NRG3: variants seen among roughly 807,000 people sequenced by gnomAD.
NRG3 encodes neuregulin 3, also known as pro-neuregulin-3, membrane-bound isoform.
In NRG3, 31 loss-of-function variants were observed where a neutral mutation model predicts 66.9. The observed-to-expected ratio is 0.46, with a 90% CI of 0.35 to 0.63. NRG3 has a LOEUF of 0.63. Among genes scored for constraint, NRG3 ranks in the 20% least tolerant of loss-of-function variants. NRG3 has a pLI of 0.00. For synonymous variants in NRG3, 393 were observed against 359.4 expected (o/e 1.09, Z -1.06); for missense variants, 910 against 878.9 (o/e 1.04, Z -0.45).
chr10:82,550,467 A>G (rs893504121), intron 2 of NRG3, among the ~76,000 whole-genome samples: 5 of 151,856 alleles, frequency 3.3e-5, no homozygotes, highest in African/African-American at 1.2e-4. Context: ...TCCCAATAGG[A>G]CTCTTCTTTC....
intron 4 of NRG3, among the ~76,000 whole-genome samples, chr10:82,870,104 G>A (rs997867864): frequency 6.7e-6 from 1 of 148,534 alleles, no homozygotes; most frequent in Non-Finnish European, 1.5e-5. Flanking sequence ...TCCTGACCTC[G>A]TGATCTGCCC....
chr10:82,464,734 A>G (rs568148328), intron 2 of NRG3, among the ~76,000 whole-genome samples: 1 of 152,348 alleles, frequency 6.6e-6, no homozygotes, highest in East Asian at 1.9e-4. Flanking sequence ...AATCAGGCAA[A>G]TAGGAGCTGC....
intron 3 of NRG3, among the ~76,000 whole-genome samples, chr10:82,766,622 G>A (rs1461260611): frequency 6.6e-6 from 1 of 151,994 alleles, no homozygotes; most frequent in African/African-American, 2.4e-5. Flanking sequence ...GATGGAGTGT[G>A]GGTAGAGTTA....
intron 1 of NRG3, among the ~76,000 whole-genome samples, chr10:82,217,867 A>C (rs923593633): frequency 7.2e-5 from 11 of 152,206 alleles, no homozygotes; most frequent in African/African-American, 2.7e-4. Flanking sequence ...TATTTGTATT[A>C]GTTTTGTATT....
chr10:82,233,306 A>C (rs912671845), intron 1 of NRG3, among the ~76,000 whole-genome samples: 1 of 152,194 alleles, frequency 6.6e-6, no homozygotes, highest in African/African-American at 2.4e-5. Context: ...CGGAGCTTGC[A>C]GTGACCCAAG....
At chr10:82,850,861 T>C (rs1047164694) in intron 3 of NRG3, among the ~76,000 whole-genome samples, 3 of 152,182 alleles carry the variant, frequency 2.0e-5, no homozygotes, top group African/African-American at 7.2e-5. Context: ...CAGGAACAAA[T>C]CTCAGTCTAC....
chr10:82,273,234 T>A (rs1337854678), intron 1 of NRG3, among the ~76,000 whole-genome samples: 1 of 152,024 alleles, frequency 6.6e-6, no homozygotes, highest in African/African-American at 2.4e-5. Flanking sequence ...CCTGTATACA[T>A]TATTTGTCCC....
chr10:82,444,318 G>A (rs1428669182), intron 2 of NRG3, among the ~76,000 whole-genome samples: 1 of 152,116 alleles, frequency 6.6e-6, no homozygotes, highest in Non-Finnish European at 1.5e-5. Context: ...GACCAGGCTG[G>A]TCTTGAACTC....
At chr10:82,523,440 TTA>T (rs1319810286) in intron 2 of NRG3, among the ~76,000 whole-genome samples, 6 of 152,162 alleles carry the variant, frequency 3.9e-5, no homozygotes, top group Non-Finnish European at 8.8e-5. Context: ...TCTTTTTTGA[TTA>T]TGGTTTTGAT....
intron 1 of NRG3, among the ~76,000 whole-genome samples, chr10:82,340,379 G>T (rs776775354): frequency 4.6e-5 from 7 of 152,158 alleles, no homozygotes; most frequent in Non-Finnish European, 4.4e-5. Context: ...CATGACACTT[G>T]ACATAGTTAG....
rs772601407 is a variant in NRG3, at chr10:81,875,481, G to GC, written c.148dup (p.Arg50ProfsTer6). 1.4e-5 allele frequency: 19 copies of GC among 1,345,778 alleles called. No homozygotes were observed. Among genetic ancestry groups the GC allele is most frequent in the South Asian group, 9.4e-5 (4 of 42,416 alleles). The allele number at this position is 1,345,778 out of a possible 1,614,324, so 83.4% of individuals were successfully genotyped here. A position where few individuals can be genotyped will look rare whatever the true frequency, so the allele number is the denominator to read the frequency against. ...ACGGCGGCGGCGAAGGGGCGGCCGA[G>GC]CCCCCCCGGGAGTTACGCTGTAGCG... On this transcript the variant is annotated frameshift_variant, in exon 1 of 9. Transcript: ENST00000372141. LOFTEE classifies it high-confidence loss of function. The surrounding 1 kb of genome is among the most constrained non-coding windows in gnomAD (Gnocchi z 5.3).
At chr10:82,403,072 C>A (rs980780001) in intron 2 of NRG3, among the ~76,000 whole-genome samples, 4 of 152,124 alleles carry the variant, frequency 2.6e-5, no homozygotes, top group Non-Finnish European at 4.4e-5. Flanking sequence ...TGTACAACCA[C>A]AGAAAAGACG....
At chr10:82,193,122 G>A (rs1033791397) in intron 1 of NRG3, among the ~76,000 whole-genome samples, 20 of 152,194 alleles carry the variant, frequency 1.3e-4, no homozygotes, top group African/African-American at 4.1e-4. Flanking sequence ...TTTGGTGCAC[G>A]ACAGTGACAT....
In NRG3 at chr10:81,878,041, TTCTC is replaced by T. The variant is rs1255640935; in HGVS notation, c.823+1879_823+1882del. 1.9e-5 allele frequency: 29 copies of T among 1,537,526 alleles called. No individual in the cohort carries two copies. In the South Asian group the frequency reaches 3.2e-4, roughly 17 times the overall value. ...ACACGGTAGGGGTATTTCATGTTCTTTCTCAATTGATTTCCTTGTGTACCATTCC... is the reference window on the plus strand; with the variant it reads ...ACACGGTAGGGGTATTTCATGTTCTTAATTGATTTCCTTGTGTACCATTCC... On this transcript the variant is annotated intron_variant, in intron 1 of 8. Coordinates refer to ENST00000372141, the MANE Select transcript of NRG3 (RefSeq NM_001010848.4).
At chr10:82,341,723 T>C (rs1053605744) in intron 1 of NRG3, among the ~76,000 whole-genome samples, 11 of 152,084 alleles carry the variant, frequency 7.2e-5, no homozygotes, top group African/African-American at 2.7e-4. Context: ...GGTAACCCAA[T>C]AGGTAGTTTT....
chr10:82,218,743 A>C (rs936536835), intron 1 of NRG3, among the ~76,000 whole-genome samples: 6 of 152,132 alleles, frequency 3.9e-5, no homozygotes, highest in Admixed American at 1.3e-4. Context: ...TCCTAGCTTA[A>C]TTACCACCTC....
intron 4 of NRG3, among the ~76,000 whole-genome samples, chr10:82,900,938 C>T (rs1844159771): frequency 3.9e-5 from 6 of 152,122 alleles, no homozygotes; most frequent in Admixed American, 3.9e-4. Flanking sequence ...CAGTATAACA[C>T]AAAATGAGAC....
At chr10:81,879,138 A>G (rs1472260979) in intron 1 of NRG3, among the ~76,000 whole-genome samples, 3 of 152,204 alleles carry the variant, frequency 2.0e-5, no homozygotes, top group Non-Finnish European at 4.4e-5. Flanking sequence ...AGCTGGACCA[A>G]AACTTTCTTC....
At chr10:82,235,043 A>C (rs571161084) in intron 1 of NRG3, among the ~76,000 whole-genome samples, 1 of 152,236 alleles carries the variant, frequency 6.6e-6, no homozygotes, top group African/African-American at 2.4e-5. Context: ...AATTAGGCTC[A>C]GTGTCTTCCT....
Sources: allele counts gnomAD v4.1 joint callset (sites outside exome capture counted in the v4.1 genomes callset), GRCh38; gene constraint gnomAD v4.1.1; non-coding constraint Gnocchi (gnomAD v3.1); transcripts MANE v1.5; gene names NCBI Gene and HGNC (gene_info 2026-07-23, HGNC 2026-07-21).